ACSM3: variants seen among roughly 807,000 people sequenced by gnomAD.
ACSM3 encodes the protein acyl-coenzyme A synthetase ACSM3, mitochondrial.
In ACSM3, 61 loss-of-function variants were observed where a neutral mutation model predicts 74.1. The observed-to-expected ratio is 0.82, with a 90% CI of 0.67 to 1.02. ACSM3 has a LOEUF of 1.02. Among genes scored for constraint, ACSM3 ranks in the 50% least tolerant of loss-of-function variants. The probability of loss-of-function intolerance (pLI) is 0.00; values close to 1 mark genes in which losing one functional copy is unlikely to be tolerated. For missense variants in ACSM3, 660 were observed against 697.0 expected, an observed-to-expected ratio of 0.95 and a Z score of 0.60; for synonymous variants, 213 against 241.5, an observed-to-expected ratio of 0.88 and a Z score of 1.09.
rs755926697 is a variant in ACSM3 at position 20,777,560 on chromosome 16, G to GGTTC, written c.618_619insGTTC (p.Asn207ValfsTer12). 4 of 1,613,756 alleles carry GGTTC rather than the reference G, an allele frequency of 2.5e-6. No homozygotes were observed. The African/African-American group carries it at 5.3e-5, about 22-fold the overall frequency. On this transcript the variant is annotated frameshift_variant, in exon 4 of 14. Transcript: ENST00000289416. LOFTEE classifies it high-confidence loss of function. ...CAGAGAACTCCAGAGAGGGGTGGGGGAACCTCAAGGAGTTGATGAAGTGAG... is the reference window on the plus strand; with the variant it reads ...CAGAGAACTCCAGAGAGGGGTGGGGGGTTCAACCTCAAGGAGTTGATGAAGTGAG...
chr16:20,743,887 C>T (rs187232703), intron 1 of ACSM3: 3 of 152,228 alleles, frequency 2.0e-5, no homozygotes, highest in Admixed American at 1.3e-4. Context: ...ATACAGATAA[C>T]AAGTTAAAAT....
At chr16:20,768,746 C>G in intron 1 of ACSM3, among the ~76,000 whole-genome samples, 1 of 152,028 alleles carries the variant, frequency 6.6e-6, no homozygotes, top group East Asian at 1.9e-4. Flanking sequence ...ATCCAAAGAC[C>G]AGAGTTCTAG....
At chr16:20,677,226 T>TAAAAA (rs34392148) in intron 1 of ACSM3, among the ~76,000 whole-genome samples, 1 of 130,056 alleles carries the variant, frequency 7.7e-6, no homozygotes, top group Non-Finnish European at 1.7e-5. Flanking sequence ...TTAAAGAAAT[T>TAAAAA]AAAAAAAAAA....
intron 1 of ACSM3, among the ~76,000 whole-genome samples, chr16:20,767,084 G>A (rs2080134280): frequency 6.6e-6 from 1 of 151,856 alleles, no homozygotes; most frequent in South Asian, 2.1e-4. Flanking sequence ...GCCATTTGAA[G>A]ATATTATGCG....
rs2079892109 is a variant in ACSM3 at position 20,738,763 on chromosome 16, TAC to T, written c.-189-11145_-189-11144del. The T allele has an allele frequency of 6.9e-6, 7 of 1,007,510 alleles. No individual in the cohort carries two copies. In the South Asian group the frequency reaches 1.1e-4, roughly 15 times the overall value. 62.4% of individuals were successfully genotyped at this position (1,007,510 alleles called of 1,614,324 possible). ...TACCTCTCCACAGGCCAACTGCTAA[TAC>T]AGTGTACAGAAGCTGCCATCAAATG... On this transcript the variant is annotated intron_variant, in intron 1 of 3. Coordinates refer to the ACSM3 transcript ENST00000561584.
chr16:20,727,322 C>A, intron 1 of ACSM3: 1 of 578,130 alleles, frequency 1.7e-6, no homozygotes, highest in South Asian at 1.4e-5. Flanking sequence ...AAAAAGGCCC[C>A]ATGCAACTCT....
intron 1 of ACSM3, chr16:20,739,176 A>AT (rs34908456): frequency 0.019 from 14,905 of 787,800 alleles, no homozygotes; most frequent in East Asian, 0.06. Context: ...CTCAGTATTG[A>AT]TTTTTTTTTT....
intron 2 of ACSM3, among the ~76,000 whole-genome samples, chr16:20,752,044 G>A (rs986010600): frequency 1.3e-5 from 2 of 152,094 alleles, no homozygotes; most frequent in Non-Finnish European, 2.9e-5. Context: ...AATGATATGA[G>A]CTATCTAAAA....
intron 1 of ACSM3, among the ~76,000 whole-genome samples, chr16:20,706,076 G>A (rs1057492729): frequency 1.9e-4 from 21 of 111,336 alleles, no homozygotes; most frequent in Admixed American, 5.4e-4. Flanking sequence ...TCAGTGAATC[G>A]TGGAACAGTG....
intron 3 of ACSM3, among the ~76,000 whole-genome samples, chr16:20,757,384 TC>T (rs1261614203): frequency 6.6e-6 from 1 of 151,604 alleles, no homozygotes; most frequent in Non-Finnish European, 1.5e-5. Flanking sequence ...AGTATTTTAT[TC>T]TCTTTGAAGC....
chr16:20,728,177 C>T, intron 1 of ACSM3: 1 of 319,608 alleles, frequency 3.1e-6, no homozygotes, highest in Non-Finnish European at 6.2e-6. Context: ...TAATTTGTGC[C>T]AATCAGAAAG....
intron 1 of ACSM3, among the ~76,000 whole-genome samples, chr16:20,698,383 A>G (rs1354110012): frequency 6.6e-6 from 1 of 151,940 alleles, no homozygotes; most frequent in Non-Finnish European, 1.5e-5. Flanking sequence ...AGTGTAGCCT[A>G]ATGGATAAGA....
At chr16:20,727,464 G>T (rs1200446668) in intron 1 of ACSM3, 2 of 465,138 alleles carry the variant, frequency 4.3e-6, no homozygotes, top group Non-Finnish European at 8.4e-6. Context: ...ACAGACGGAA[G>T]TGGTATATTT....
rs139932605 is a variant in ACSM3, at chr16:20,731,105, A to G, written c.-189-18805A>G. Reference sequence around the variant, plus strand: ...GGTTTCAAACTCCTGAGCTTAAACTATCCTTCTACCTTGGCCTCCCAATGT... The same window carrying G: ...GGTTTCAAACTCCTGAGCTTAAACTGTCCTTCTACCTTGGCCTCCCAATGT... On this transcript the variant is annotated intron_variant, in intron 1 of 3. Transcript: ENST00000561584. 5.4e-3 allele frequency among the ~76,000 whole-genome samples: 818 copies of G among 152,296 alleles called. 8 individuals are homozygous for G. The highest frequency in any genetic ancestry group is 0.019 in the African/African-American group (775 of 41,562).
intron 1 of ACSM3, among the ~76,000 whole-genome samples, chr16:20,684,882 T>C (rs1388776533): frequency 6.6e-6 from 1 of 152,172 alleles, no homozygotes; most frequent in African/African-American, 2.4e-5. Flanking sequence ...AGACAAAGTT[T>C]GGCACTGCAC....
At chr16:20,688,691 G>A (rs2079598156) in intron 1 of ACSM3, among the ~76,000 whole-genome samples, 3 of 151,846 alleles carry the variant, frequency 2.0e-5, no homozygotes, top group Non-Finnish European at 2.9e-5. Context: ...CAAAAGTAAA[G>A]GGGAAATTAG....
intron 4 of ACSM3, 102 bp downstream of exon 4, chr16:20,777,682 C>A: frequency 9.9e-7 from 1 of 1,008,432 alleles, no homozygotes; most frequent in Non-Finnish European, 1.5e-6. Context: ...ATTAAAACAA[C>A]AGGCAAAGGG....
At chr16:20,750,869 G>T (rs2079984692) in intron 2 of ACSM3, among the ~76,000 whole-genome samples, 2 of 27,438 alleles carry the variant, frequency 7.3e-5, no homozygotes, top group Non-Finnish European at 1.5e-4. Flanking sequence ...TTTTGAAACG[G>T]AGTCTTACTC....
chr16:20,737,736 A>G (rs2079882580), intron 1 of ACSM3: 1 of 1,613,470 alleles, frequency 6.2e-7, no homozygotes, highest in Non-Finnish European at 8.5e-7. Flanking sequence ...CTTCTTCTCT[A>G]TTCACATGAC....
Sources: gnomAD v4.1 joint callset for allele counts (sites outside exome capture counted in the v4.1 genomes callset) on GRCh38, gnomAD v4.1.1 for gene constraint, MANE v1.5 for transcripts, NCBI Gene and HGNC (gene_info 2026-07-23, HGNC 2026-07-21) for gene names.